Variants in SLC44A5 observed in about 807,000 individuals in gnomAD.
SLC44A5 encodes solute carrier family 44 member 5.
Under a neutral mutation model 101.8 loss-of-function variants are expected in SLC44A5, and 57 were observed. The observed-to-expected ratio is 0.56, with a 90% CI of 0.45 to 0.70. SLC44A5 has a LOEUF of 0.70. Ranked by LOEUF, SLC44A5 falls within the 30% of genes least tolerant of loss-of-function variation. The pLI is 0.00. For synonymous variants in SLC44A5, 281 were observed against 290.9 expected (o/e 0.97, Z 0.35); for missense variants, 737 against 853.1 (o/e 0.86, Z 1.70).
chr1:75,562,887 TGAAACAACTCAA>T (rs11267887), intron 1 of SLC44A5, among the ~76,000 whole-genome samples: 40,896 of 151,896 alleles, frequency 0.27, 7,363 homozygotes, highest in East Asian at 0.78. Context: ...CCTCAATATG[TGAAACAACTCAA>T]GAAACAGTTC....
chr1:75,526,781 G>T (rs999802671), intron 2 of SLC44A5, among the ~76,000 whole-genome samples: 1 of 152,076 alleles, frequency 6.6e-6, no homozygotes, highest in African/African-American at 2.4e-5. Context: ...TAAACAATGC[G>T]CATTCTTCCA....
At chr1:75,332,009 T>C (rs1375146927) in intron 4 of SLC44A5, among the ~76,000 whole-genome samples, 2 of 152,184 alleles carry the variant, frequency 1.3e-5, no homozygotes, top group East Asian at 3.9e-4. Context: ...ATTTCTCAGA[T>C]GTTTTCTGCC....
intron 2 of SLC44A5, among the ~76,000 whole-genome samples, chr1:75,509,353 T>A (rs1669442029): frequency 6.6e-6 from 1 of 152,284 alleles, no homozygotes; most frequent in Non-Finnish European, 1.5e-5. Flanking sequence ...AAACATAAAT[T>A]TTTTAGTTGG....
chr1:75,303,348 G>C (rs1022977877), intron 4 of SLC44A5, among the ~76,000 whole-genome samples: 1 of 152,142 alleles, frequency 6.6e-6, no homozygotes, highest in African/African-American at 2.4e-5. Context: ...CAATTCTCCT[G>C]CCTCAGCCTC....
At chr1:75,442,999 C>T (rs1294821493) in intron 2 of SLC44A5, among the ~76,000 whole-genome samples, 2 of 152,104 alleles carry the variant, frequency 1.3e-5, no homozygotes, top group Admixed American at 1.3e-4. Flanking sequence ...ATAACAAAAC[C>T]TTTTCAAAAA....
chr1:75,495,183 C>T (rs753231174), intron 2 of SLC44A5, among the ~76,000 whole-genome samples: 8 of 152,142 alleles, frequency 5.3e-5, no homozygotes, highest in Non-Finnish European at 1.0e-4. Context: ...AGGCCAGGCG[C>T]AGTGGCTCAT....
At chr1:75,699,607 A>G in the SLC44A5 span, among the ~76,000 whole-genome samples, 3 of 151,644 alleles carry the variant, frequency 2.0e-5, no homozygotes, top group Non-Finnish European at 4.4e-5. Context: ...ACGAAAAAAA[A>G]AAAAAACACA....
chr1:75,603,203 A>G (rs2102155420), intron 1 of SLC44A5, among the ~76,000 whole-genome samples: 1 of 152,176 alleles, frequency 6.6e-6, no homozygotes, highest in South Asian at 2.1e-4. Flanking sequence ...CCTGTTGTTT[A>G]GCTCCCACTT....
intron 3 of SLC44A5, among the ~76,000 whole-genome samples, chr1:75,386,641 A>T (rs1285649159): frequency 6.6e-6 from 1 of 152,206 alleles, no homozygotes; most frequent in African/African-American, 2.4e-5. Flanking sequence ...TGTCCAAGGT[A>T]ATTTACAGAT....
chr1:75,528,358 GAGA>G (rs1389278255), intron 2 of SLC44A5, among the ~76,000 whole-genome samples: 2 of 152,090 alleles, frequency 1.3e-5, no homozygotes, highest in East Asian at 3.8e-4. Context: ...ATAAAATTAT[GAGA>G]AGGAGAAAAA....
intron 13 of SLC44A5, among the ~76,000 whole-genome samples, chr1:75,223,670 T>A (rs1459422957): frequency 6.6e-6 from 1 of 152,208 alleles, no homozygotes; most frequent in African/African-American, 2.4e-5. Flanking sequence ...GGAGAGCTCA[T>A]TATTTCATTC....
the SLC44A5 span, among the ~76,000 whole-genome samples, chr1:75,701,955 A>T: frequency 6.6e-6 from 1 of 151,944 alleles, no homozygotes; most frequent in Admixed American, 6.6e-5. Context: ...TACAAGGGAC[A>T]TGAAGGACCT....
intron 2 of SLC44A5, among the ~76,000 whole-genome samples, chr1:75,462,516 CACA>C (rs1324843152): frequency 6.6e-6 from 1 of 152,104 alleles, no homozygotes; most frequent in African/African-American, 2.4e-5. Context: ...TCCATGAAAA[CACA>C]ACATCACCAA....
intron 22 of SLC44A5, 148 bp from the exon 23 acceptor site, chr1:75,211,700 A>G: frequency 1.8e-6 from 1 of 546,840 alleles, no homozygotes; most frequent in Non-Finnish European, 3.2e-6. Flanking sequence ...AAGTTCAATG[A>G]TAATGCTTCT....
intron 6 of SLC44A5, among the ~76,000 whole-genome samples, chr1:75,267,791 G>C (rs1323766166): frequency 6.6e-6 from 1 of 151,810 alleles, no homozygotes. Context: ...GGCCAGTCTT[G>C]AACTTCTGGG....
the SLC44A5 span, among the ~76,000 whole-genome samples, chr1:75,644,290 T>C: frequency 6.6e-6 from 1 of 152,092 alleles, no homozygotes; most frequent in Non-Finnish European, 1.5e-5. Context: ...TTTAACCATA[T>C]GTGCATTTAT....
At position 75,242,923 on chromosome 1, in the gene SLC44A5, T is replaced by C; in HGVS notation, c.434A>G (p.Tyr145Cys). 1.2e-6 allele frequency: 2 copies of C among 1,612,282 alleles called. No homozygotes were observed. The highest frequency in any genetic ancestry group is 1.7e-6 in the Non-Finnish European group (2 of 1,179,044). The change falls in exon 8 of 24, where the codon TAC (tyrosine) becomes TGC (cysteine). Residue 145 changes from tyrosine (Y) to cysteine (C), a missense_variant. Transcript: ENST00000370859. Reference sequence around the variant, plus strand: ...AGCAGTGGTCTTACAGAACTGACGGTAGTCTTCCCAGTAGCTTTTGTCTTT... The same window carrying C: ...AGCAGTGGTCTTACAGAACTGACGGCAGTCTTCCCAGTAGCTTTTGTCTTT... ...YTKDKSYWED[Y>C]RQFCKTTAKP...
chr1:75,340,036 T>C (rs1205266081), intron 3 of SLC44A5, among the ~76,000 whole-genome samples: 1 of 152,204 alleles, frequency 6.6e-6, no homozygotes, highest in African/African-American at 2.4e-5. Context: ...TTATCCCAGC[T>C]CTCCCATTCC....
At chr1:75,365,470 C>T (rs1557706086) in intron 3 of SLC44A5, among the ~76,000 whole-genome samples, 2 of 152,176 alleles carry the variant, frequency 1.3e-5, no homozygotes, top group Non-Finnish European at 2.9e-5. Flanking sequence ...TGGCCTCCAG[C>T]TCCATCCATG....
Sources: allele counts gnomAD v4.1 joint callset (sites outside exome capture counted in the v4.1 genomes callset), GRCh38; gene constraint gnomAD v4.1.1; transcripts MANE v1.5; gene names NCBI Gene and HGNC (gene_info 2026-07-23, HGNC 2026-07-21).